The following PROCR variants were observed in gnomAD, a reference collection of about 807,000 sequenced individuals.
PROCR encodes the protein endothelial protein C receptor.
Under a neutral mutation model 24.2 loss-of-function variants are expected in PROCR, and 22 were observed. That is an observed-to-expected ratio of 0.91 (90% confidence interval 0.65 to 1.30). PROCR has a LOEUF of 1.30. PROCR is among the 50% of genes most tolerant of loss of function. The pLI, the probability that PROCR is intolerant of heterozygous loss-of-function variation, is 0.00. For missense variants in PROCR, 288 were observed against 307.7 expected (o/e 0.94, Z 0.48); for synonymous variants, 137 against 139.2 (o/e 0.98, Z 0.11).
At chr20:35,197,924 T>C (rs771486765) in intron 1 of PROCR, among the ~76,000 whole-genome samples, 1 of 151,510 alleles carries the variant, frequency 6.6e-6, no homozygotes, top group African/African-American at 2.4e-5. Context: ...AAAGACTAGA[T>C]AGGTCAAAAG....
downstream of PROCR, among the ~76,000 whole-genome samples, chr20:35,178,077 A>C (rs1262826320): frequency 6.6e-6 from 1 of 151,872 alleles, no homozygotes; most frequent in African/African-American, 2.4e-5. Flanking sequence ...TGTGGTTTCC[A>C]TGGAGAAGCA....
intron 1 of PROCR, among the ~76,000 whole-genome samples, chr20:35,209,063 G>C (rs1287735836): frequency 1.3e-5 from 2 of 152,222 alleles, no homozygotes; most frequent in South Asian, 2.1e-4. Context: ...TTATGGTGTA[G>C]AGGGGGAGAC....
intron 1 of PROCR, among the ~76,000 whole-genome samples, chr20:35,215,024 G>A (rs1438695715): frequency 2.0e-5 from 3 of 149,612 alleles, no homozygotes; most frequent in East Asian, 2.0e-4. Context: ...CTCCTGCCTC[G>A]GCCTCCTGAG....
chr20:35,212,835 G>A (rs1458937727), intron 1 of PROCR, among the ~76,000 whole-genome samples: 1 of 152,202 alleles, frequency 6.6e-6, no homozygotes, highest in Non-Finnish European at 1.5e-5. Context: ...ATTGCCAGTT[G>A]GTGACCTGAA....
intron 1 of PROCR, among the ~76,000 whole-genome samples, chr20:35,211,210 A>AT (rs1436716667): frequency 6.6e-6 from 1 of 152,188 alleles, no homozygotes; most frequent in Non-Finnish European, 1.5e-5. Flanking sequence ...TTTGAAAACC[A>AT]GTGTTGCAAA....
intron 1 of PROCR, among the ~76,000 whole-genome samples, chr20:35,205,828 T>G (rs955295121): frequency 1.4e-5 from 2 of 141,998 alleles, no homozygotes; most frequent in Non-Finnish European, 3.0e-5. Flanking sequence ...TATACATATA[T>G]CTACATATAC....
At chr20:35,207,112 C>T (rs2060345420) in intron 1 of PROCR, among the ~76,000 whole-genome samples, 1 of 152,050 alleles carries the variant, frequency 6.6e-6, no homozygotes, top group South Asian at 2.1e-4. Context: ...TGTATGGTTC[C>T]ATTTTATATG....
chr20:35,195,011 A>T (rs940543958), intron 1 of PROCR, among the ~76,000 whole-genome samples: 1 of 152,240 alleles, frequency 6.6e-6, no homozygotes, highest in African/African-American at 2.4e-5. Flanking sequence ...TCCCCAAATT[A>T]TTTAGATGTT....
At chr20:35,188,436 A>G (rs1302971187) in intron 1 of PROCR, among the ~76,000 whole-genome samples, 2 of 152,210 alleles carry the variant, frequency 1.3e-5, no homozygotes, top group African/African-American at 2.4e-5. Flanking sequence ...AGTAGGTGAA[A>G]AGGGGAAAGA....
chr20:35,210,011 G>A (rs1315700095), intron 1 of PROCR, among the ~76,000 whole-genome samples: 2 of 152,138 alleles, frequency 1.3e-5, no homozygotes, highest in African/African-American at 4.8e-5. Flanking sequence ...AGGATCACTG[G>A]ACCCCAGGAG....
At chr20:35,205,142 G>A (rs1286957560) in intron 1 of PROCR, among the ~76,000 whole-genome samples, 1 of 151,694 alleles carries the variant, frequency 6.6e-6, no homozygotes. Flanking sequence ...GTATGGTGGT[G>A]TGCACTAGTA....
At chr20:35,171,660 G>A (rs2085951550), upstream of PROCR, among the ~76,000 whole-genome samples, 1 of 152,060 alleles carries the variant, frequency 6.6e-6, no homozygotes, top group African/African-American at 2.4e-5. Context: ...TTTTAATCTT[G>A]GATCTGTCAC....
intron 1 of PROCR, among the ~76,000 whole-genome samples, chr20:35,173,142 G>A (rs749639055): frequency 4.6e-5 from 7 of 152,060 alleles, no homozygotes; most frequent in African/African-American, 4.8e-5. Context: ...TTACAACCCC[G>A]GACTCATCCA....
chr20:35,205,752 A>AATATACATAT (rs1390355835), intron 1 of PROCR, among the ~76,000 whole-genome samples: 1 of 102,678 alleles, frequency 9.7e-6, no homozygotes, highest in Non-Finnish European at 1.8e-5. Context: ...ACTCTGTCTA[A>AATATACATAT]ATATATATAT....
At chr20:35,206,673 T>C (rs1353160216) in intron 1 of PROCR, among the ~76,000 whole-genome samples, 1 of 152,088 alleles carries the variant, frequency 6.6e-6, no homozygotes, top group African/African-American at 2.4e-5. Context: ...TCTATACACC[T>C]ATTGAAATTG....
rs200216695 is a variant in PROCR at position 35,176,155 on chromosome 20, T to C, written c.323-13T>C. The stretch of plus-strand genomic sequence containing the variant: ...CTCTGCACAGTCCCCTGACCCTGAC[T>C]GTCTATCCACAGTTCCTCTGACCAT... On this transcript the variant is annotated splice_polypyrimidine_tract_variant and intron_variant, in intron 2 of 3. Transcript: ENST00000216968. 6.2e-7 allele frequency: 1 copy of C among 1,612,918 alleles called. No homozygotes were observed. Among genetic ancestry groups the C allele is most frequent in the Non-Finnish European group, 8.5e-7 (1 of 1,179,156 alleles).
chr20:35,185,681 C>T lies in PROCR; in HGVS notation c.94+9235C>T, dbSNP rs182768702. The stretch of plus-strand genomic sequence containing the variant: ...TTCTCACTGATATGTGGGAGCTAAG[C>T]GATGAGGATGCAAAGGTATAAGAAT... On this transcript the variant is annotated intron_variant, in intron 1 of 1. Transcript: ENST00000634509. Among the ~76,000 whole-genome samples, 556 of 151,988 alleles carry T rather than the reference C, an allele frequency of 3.7e-3. 4 individuals are homozygous for T. Among genetic ancestry groups the T allele is most frequent in the Non-Finnish European group, 5.8e-3 (397 of 67,988 alleles).
At chr20:35,189,323 A>G (rs974802209) in intron 1 of PROCR, among the ~76,000 whole-genome samples, 1 of 152,118 alleles carries the variant, frequency 6.6e-6, no homozygotes, top group South Asian at 2.1e-4. Flanking sequence ...GCAGTTACAG[A>G]TAAGGGATGA....
At chr20:35,179,849 A>G (rs900705178), downstream of PROCR, among the ~76,000 whole-genome samples, 1 of 152,162 alleles carries the variant, frequency 6.6e-6, no homozygotes, top group South Asian at 2.1e-4. Flanking sequence ...TATAAAACAC[A>G]TTCACTCCTT....
Sources: gnomAD v4.1 joint callset for allele counts (sites outside exome capture counted in the v4.1 genomes callset) on GRCh38, gnomAD v4.1.1 for gene constraint, MANE v1.5 for transcripts, NCBI Gene and HGNC (gene_info 2026-07-23, HGNC 2026-07-21) for gene names.